Variants in LTBP1 observed in about 807,000 individuals in gnomAD.
LTBP1 encodes the protein latent transforming growth factor beta binding protein 1.
In LTBP1, 129 loss-of-function variants were observed where a neutral mutation model predicts 207.6. The observed-to-expected ratio is 0.62, with a 90% confidence interval of 0.54 to 0.72. The LOEUF (loss-of-function observed/expected upper bound fraction) is 0.72. Among genes scored for constraint, LTBP1 ranks in the 30% least tolerant of loss-of-function variants. The pLI is 0.00. For missense variants in LTBP1, 2,281 were observed against 2,217.2 expected, an observed-to-expected ratio of 1.03 and a Z score of -0.58; for synonymous variants, 963 against 833.7, an observed-to-expected ratio of 1.16 and a Z score of -2.67.
At position 33,148,240 on chromosome 2, in the gene LTBP1, A is replaced by G. The variant is rs6741450; in HGVS notation, c.1201+13280A>G. ...GGGATTGATGTTAAGCATTTTGACGATATTTGAGGATACCATCTTTAATTT... is the reference window on the plus strand; with the variant it reads ...GGGATTGATGTTAAGCATTTTGACGGTATTTGAGGATACCATCTTTAATTT... On this transcript the variant is annotated intron_variant, in intron 5 of 33. Transcript: ENST00000404816. Among the ~76,000 whole-genome samples, 1,213 of 152,318 alleles carry G rather than the reference A, an allele frequency of 8.0e-3. 16 individuals carry two copies. The highest frequency in any genetic ancestry group is 0.028 in the African/African-American group (1,152 of 41,582).
At position 33,127,230 on chromosome 2, in the gene LTBP1, C is replaced by CT. The variant is rs566351984; in HGVS notation, c.1034-7554dup. 9.3e-3 allele frequency among the ~76,000 whole-genome samples: 1,404 copies of CT among 151,302 alleles called. 23 individuals carry two copies. The highest frequency in any genetic ancestry group is 0.032 in the African/African-American group (1,328 of 41,196). On this transcript the variant is annotated intron_variant, in intron 4 of 33. Coordinates refer to ENST00000404816, the MANE Select transcript of LTBP1 (RefSeq NM_206943.4). ...TTCTTCTCTGCCTTGTCTTTTGACT[C>CT]TTTTTTTTTCTTTTATGCAGAATTT...
At chr2:33,295,568 T>A (rs2093858777) in intron 20 of LTBP1, among the ~76,000 whole-genome samples, 1 of 152,092 alleles carries the variant, frequency 6.6e-6, no homozygotes, top group South Asian at 2.1e-4. Context: ...AATAAATATG[T>A]GTACATTACG....
intron 24 of LTBP1, among the ~76,000 whole-genome samples, chr2:33,321,431 T>C (rs1397995021): frequency 6.6e-6 from 1 of 152,182 alleles, no homozygotes; most frequent in Non-Finnish European, 1.5e-5. Context: ...AGGCTAATTT[T>C]GTATTCATTG....
At chr2:33,171,794 C>A (rs1377079170) in intron 5 of LTBP1, among the ~76,000 whole-genome samples, 2 of 152,268 alleles carry the variant, frequency 1.3e-5, no homozygotes, top group East Asian at 3.9e-4. Context: ...GCCCATCAGA[C>A]TAACAGCGGA....
At position 33,325,294 on chromosome 2, in the gene LTBP1, A is replaced by G. The variant is rs151150149; in HGVS notation, c.3730+10025A>G. Among the ~76,000 whole-genome samples, 331 of 152,240 alleles carry G rather than the reference A, an allele frequency of 2.2e-3. 1 individual carries two copies. Among genetic ancestry groups the G allele is most frequent in the African/African-American group, 4.5e-3 (186 of 41,536 alleles). On this transcript the variant is annotated intron_variant, in intron 24 of 33. Coordinates refer to ENST00000404816, the MANE Select transcript of LTBP1 (RefSeq NM_206943.4). ...TATAACTGATCTTTCTTGGCCTCCT[A>G]TTTGAATATAGAAAGAGAAAAATTA...
chr2:33,259,489 T>C, intron 12 of LTBP1, 99 bp from the exon 13 acceptor site: 1 of 829,162 alleles, frequency 1.2e-6, no homozygotes, highest in Non-Finnish European at 1.9e-6. Flanking sequence ...TTAATCCTTT[T>C]GCAGAGATAA....
intron 19 of LTBP1, among the ~76,000 whole-genome samples, 173 bp from the exon 20 acceptor site, chr2:33,292,987 A>G (rs774431439): frequency 3.2e-4 from 49 of 152,238 alleles, no homozygotes; most frequent in Non-Finnish European, 1.8e-4. Context: ...ACCGTCATCC[A>G]TTTAGCTCAC....
chr2:33,290,491 C>T (rs2093752955), intron 19 of LTBP1, among the ~76,000 whole-genome samples: 2 of 152,172 alleles, frequency 1.3e-5, no homozygotes, highest in Admixed American at 6.5e-5. Flanking sequence ...GGAGCCAACA[C>T]CATTTATCAG....
intron 3 of LTBP1, among the ~76,000 whole-genome samples, chr2:33,057,711 G>A (rs372000225): frequency 2.6e-5 from 4 of 152,220 alleles, no homozygotes; most frequent in African/African-American, 9.6e-5. Context: ...ACGGCTGGCC[G>A]GCAGCTCTGA....
chr2:33,297,255 A>G (rs1266631003), intron 20 of LTBP1, among the ~76,000 whole-genome samples: 1 of 151,932 alleles, frequency 6.6e-6, no homozygotes, highest in Non-Finnish European at 1.5e-5. Context: ...GCATTACCTC[A>G]TTCTTCCCAC....
intron 3 of LTBP1, among the ~76,000 whole-genome samples, chr2:33,102,103 C>A (rs973720454): frequency 1.3e-5 from 2 of 152,182 alleles, no homozygotes; most frequent in Non-Finnish European, 2.9e-5. Context: ...TTGATCTCCT[C>A]CTTCTCCAGG....
chr2:33,007,343 G>A (rs79640284), intron 2 of LTBP1, among the ~76,000 whole-genome samples: 1,724 of 152,274 alleles, frequency 0.011, 14 homozygotes, highest in Middle Eastern at 0.031. Flanking sequence ...ATTTCTTCTA[G>A]GCTGTTCCAT....
intron 23 of LTBP1, among the ~76,000 whole-genome samples, chr2:33,313,238 TC>T (rs2094212978): frequency 6.6e-6 from 1 of 152,224 alleles, no homozygotes; most frequent in South Asian, 2.1e-4. Flanking sequence ...TATGAGTAAT[TC>T]CTGTTGGGTT....
At position 33,293,272 on chromosome 2, in the gene LTBP1, G is replaced by A. The variant is rs755032555; in HGVS notation, c.3225G>A (p.Lys1075=). ...HKGYTRTPDH[K]HCRDIDECQQ... ...GCTATACCCGGACTCCGGACCACAA[G>A]CACTGTAGAGGTAAATACTGTGATC... The change falls in exon 20 of 34, where the codon AAG becomes AAA. Residue 1075 remains lysine, a synonymous_variant. Coordinates refer to ENST00000404816, the MANE Select transcript of LTBP1 (RefSeq NM_206943.4). 2 of 1,612,432 alleles carry A rather than the reference G, an allele frequency of 1.2e-6. No homozygotes were observed. The highest frequency in any genetic ancestry group is 2.2e-5 in the East Asian group (1 of 44,856).
At chr2:33,200,742 A>G (rs1222328218) in intron 7 of LTBP1, among the ~76,000 whole-genome samples, 2 of 152,196 alleles carry the variant, frequency 1.3e-5, no homozygotes, top group African/African-American at 4.8e-5. Flanking sequence ...CAAAGGGCTA[A>G]TATCCAGAAT....
chr2:33,031,400 C>G (rs1199435009), intron 3 of LTBP1, among the ~76,000 whole-genome samples: 1 of 152,214 alleles, frequency 6.6e-6, no homozygotes, highest in Non-Finnish European at 1.5e-5. Flanking sequence ...ATAGTTGATT[C>G]ATTCATTCCA....
chr2:33,277,343 A>G (rs1324236764), intron 18 of LTBP1, among the ~76,000 whole-genome samples: 2 of 152,042 alleles, frequency 1.3e-5, no homozygotes, highest in Admixed American at 6.5e-5. Flanking sequence ...CACAGGTGTA[A>G]AGTGTCTCCA....
chr2:33,132,227 G>A (rs190516264), intron 4 of LTBP1, among the ~76,000 whole-genome samples: 12 of 152,188 alleles, frequency 7.9e-5, no homozygotes, highest in African/African-American at 2.9e-4. Context: ...AGCATTTTCC[G>A]ACAACTTAGA....
In LTBP1 at chr2:33,298,351, G is replaced by C. The variant is rs114154760; in HGVS notation, c.3236-2100G>C. ...TTAGCAACATAAATGAGTCAGTTAC[G>C]TAAGATGTCTGGCATAGCCTGATAG... is the stretch of plus-strand genomic sequence containing the variant. On this transcript the variant is annotated intron_variant, in intron 20 of 33. Transcript: ENST00000404816. Among the ~76,000 whole-genome samples, 1,196 of 152,224 alleles carry C rather than the reference G, an allele frequency of 7.9e-3. 25 individuals carry two copies. The highest frequency in any genetic ancestry group is 0.027 in the African/African-American group (1,141 of 41,526).
Sources: allele counts gnomAD v4.1 joint callset (sites outside exome capture counted in the v4.1 genomes callset), GRCh38; gene constraint gnomAD v4.1.1; transcripts MANE v1.5; gene names NCBI Gene and HGNC (gene_info 2026-07-23, HGNC 2026-07-21).